The following BLNK variants were observed in gnomAD, a reference collection of about 807,000 sequenced individuals.
The protein encoded by BLNK is B cell linker.
A neutral mutation model predicts 73.5 loss-of-function variants in BLNK; 29 were observed. The observed-to-expected ratio is 0.39, with a 90% CI of 0.29 to 0.54. The LOEUF (loss-of-function observed/expected upper bound fraction) is 0.54. Among genes scored for constraint, BLNK ranks in the 20% least tolerant of loss-of-function variants. The probability of loss-of-function intolerance (pLI) is 0.61; values close to 1 mark genes in which losing one functional copy is unlikely to be tolerated. For synonymous variants in BLNK, 176 were observed against 200.8 expected (o/e 0.88, Z 1.04); for missense variants, 460 against 562.8 (o/e 0.82, Z 1.85).
chr10:96,196,662 C>T (rs1407477925), intron 16 of BLNK, among the ~76,000 whole-genome samples: 1 of 152,190 alleles, frequency 6.6e-6, no homozygotes, highest in African/African-American at 2.4e-5. Context: ...TTGGGTCAGA[C>T]TGACCTCATT....
At chr10:96,257,030 A>G (rs1423996250) in intron 1 of BLNK, among the ~76,000 whole-genome samples, 3 of 152,054 alleles carry the variant, frequency 2.0e-5, no homozygotes, top group Non-Finnish European at 4.4e-5. Context: ...GTCACATCAA[A>G]AGGGTGAGGA....
At chr10:96,233,972 A>G (rs1189260499) in intron 3 of BLNK, among the ~76,000 whole-genome samples, 3 of 152,260 alleles carry the variant, frequency 2.0e-5, no homozygotes, top group African/African-American at 7.2e-5. Flanking sequence ...TAAGTGTTAT[A>G]AAAGTGTATT....
At chr10:96,227,965 G>A (rs1363389005) in intron 4 of BLNK, among the ~76,000 whole-genome samples, 4 of 152,070 alleles carry the variant, frequency 2.6e-5, no homozygotes, top group Admixed American at 2.0e-4. Context: ...GGTTTAATAC[G>A]AAGAGGGTGA....
At chr10:96,244,905 G>A (rs184993201) in intron 2 of BLNK, among the ~76,000 whole-genome samples, 1 of 152,072 alleles carries the variant, frequency 6.6e-6, no homozygotes, top group East Asian at 1.9e-4. Context: ...GCAACTGGGG[G>A]CCATGGAATA....
At chr10:96,262,387 A>C (rs781971979) in intron 1 of BLNK, among the ~76,000 whole-genome samples, 3 of 152,190 alleles carry the variant, frequency 2.0e-5, no homozygotes, top group Non-Finnish European at 2.9e-5. Context: ...CGGTATACAG[A>C]GGTACTGTTC....
rs150495829 is a variant in BLNK, at chr10:96,189,698, AATC to A, written c.*2272_*2274del. ...TTTTCTTCAGTTTCCTCATCATCAA[AATC>A]ATCATCATCATCATCATCATCATCA... On this transcript the variant is annotated 3_prime_UTR_variant, in exon 17 of 17. Coordinates refer to ENST00000224337, the MANE Select transcript of BLNK (RefSeq NM_013314.4). 3,594 of 642,138 alleles carry A rather than the reference AATC, an allele frequency of 5.6e-3. 10 individuals carry two copies. Among genetic ancestry groups the A allele is most frequent in the Admixed American group, 0.018 (896 of 49,090 alleles). 39.8% of individuals were successfully genotyped at this position (642,138 alleles called of 1,614,324 possible).
chr10:96,252,175 C>A (rs1843312565), intron 1 of BLNK, among the ~76,000 whole-genome samples: 1 of 152,130 alleles, frequency 6.6e-6, no homozygotes, highest in African/African-American at 2.4e-5. Context: ...CCTCAGCCTC[C>A]CGAGTAGCTG....
chr10:96,204,221 T>A, intron 12 of BLNK, 133 bp from the exon 13 acceptor site: 1 of 1,028,136 alleles, frequency 9.7e-7, no homozygotes, highest in Non-Finnish European at 1.5e-6. Flanking sequence ...AAAATGTATC[T>A]AAAGATAAAA....
intron 10 of BLNK, 145 bp from the exon 11 acceptor site, chr10:96,207,198 C>G (rs1366084378): frequency 1.3e-6 from 1 of 770,248 alleles, no homozygotes; most frequent in African/African-American, 1.8e-5. Context: ...AATTACAAAC[C>G]CACAGTCCCT....
rs782354668 is a variant in BLNK at position 96,271,340 on chromosome 10, G to C, written c.47+12C>G. ...GGAGATGAAGAAGGGTATTGGGTGG[G>C]GAAAATCTTACCTCAACTTCTGACT... On this transcript the variant is annotated intron_variant, in intron 1 of 16. Transcript: ENST00000224337. The C allele has an allele frequency of 6.2e-7, 1 of 1,613,840 alleles. No homozygotes were observed. The highest frequency in any genetic ancestry group is 8.5e-7 in the Non-Finnish European group (1 of 1,179,776).
At chr10:96,246,072 C>A (rs1554907511) in intron 2 of BLNK, among the ~76,000 whole-genome samples, 1 of 151,880 alleles carries the variant, frequency 6.6e-6, no homozygotes, top group East Asian at 1.9e-4. Context: ...GTATATAAGA[C>A]CTACTAAGGT....
intron 12 of BLNK, 197 bp from the exon 13 acceptor site, chr10:96,204,285 G>A: frequency 1.4e-6 from 1 of 739,278 alleles, no homozygotes; most frequent in South Asian, 1.8e-5. Flanking sequence ...TTTTGAAAAA[G>A]GAGGAAATCT....
chr10:96,262,771 A>G (rs1016544924), intron 1 of BLNK, among the ~76,000 whole-genome samples: 1 of 152,236 alleles, frequency 6.6e-6, no homozygotes, highest in East Asian at 1.9e-4. Flanking sequence ...GGCCTGGAAC[A>G]CACAATTGTC....
At chr10:96,197,600 A>G (rs1460927757) in intron 15 of BLNK, among the ~76,000 whole-genome samples, 1 of 152,112 alleles carries the variant, frequency 6.6e-6, no homozygotes, top group African/African-American at 2.4e-5. Context: ...GTTGTCTATG[A>G]AAAAAAATGT....
At chr10:96,228,509 G>A (rs1564833050) in intron 4 of BLNK, among the ~76,000 whole-genome samples, 1 of 152,076 alleles carries the variant, frequency 6.6e-6, no homozygotes, top group Admixed American at 6.6e-5. Flanking sequence ...TGCCAGCCTC[G>A]GCCTCCCAAA....
At chr10:96,208,681 C>T (rs951357022) in intron 9 of BLNK, among the ~76,000 whole-genome samples, 4 of 152,172 alleles carry the variant, frequency 2.6e-5, no homozygotes, top group African/African-American at 9.7e-5. Context: ...AAACCCTCAC[C>T]ATATCTCTCT....
intron 1 of BLNK, among the ~76,000 whole-genome samples, chr10:96,254,908 G>A (rs949845905): frequency 2.6e-5 from 4 of 152,152 alleles, no homozygotes; most frequent in East Asian, 1.9e-4. Flanking sequence ...TAAAGAAATC[G>A]TCTTGACTTT....
chr10:96,216,710 C>T lies in BLNK; in HGVS notation c.550G>A (p.Asp184Asn). 6.2e-7 allele frequency: 1 copy of T among 1,614,058 alleles called. No individual in the cohort carries two copies. Among genetic ancestry groups the T allele is most frequent in the Non-Finnish European group, 8.5e-7 (1 of 1,179,954 alleles). The change falls in exon 7 of 17, where the codon GAT becomes AAT. Residue 184 changes from aspartate (D) to asparagine (N), a missense_variant. Physicochemically the swap from Asp to Asn is conservative, Grantham distance 23. Around this residue, in one of 3 missense-constraint regions of BLNK, gnomAD observed 233 missense variants for 232.1 expected, o/e 1.00. Transcript: ENST00000224337. ...DEADYVVPVE[D>N]NDENYIHPTE... ...GGATGAATATAGTTTTCATCATTAT[C>T]TTCCACGGGGACCACATAATCAGCC...
At chr10:96,256,734 G>T (rs1359247024) in intron 1 of BLNK, among the ~76,000 whole-genome samples, 1 of 151,898 alleles carries the variant, frequency 6.6e-6, no homozygotes, top group South Asian at 2.1e-4. Context: ...TAGAAAAATC[G>T]GCTGGCAGTG....
Sources: gnomAD v4.1 joint callset for allele counts (sites outside exome capture counted in the v4.1 genomes callset) on GRCh38, gnomAD v4.1.1 for gene constraint, gnomAD v4.1.1 regional missense constraint, MANE v1.5 for transcripts, NCBI Gene and HGNC (gene_info 2026-07-23, HGNC 2026-07-21) for gene names.